ABCA4: variants seen among roughly 807,000 people sequenced by gnomAD.
ABCA4 encodes the protein retinal-specific phospholipid-transporting ATPase ABCA4.
Under a neutral mutation model 263.7 loss-of-function variants are expected in ABCA4, and 196 were observed. The observed-to-expected ratio is 0.74, with a 90% CI of 0.66 to 0.84. The LOEUF is 0.84. Among genes scored for constraint, ABCA4 ranks in the 40% least tolerant of loss-of-function variants. The probability of loss-of-function intolerance (pLI) is 0.00; values close to 1 mark genes in which losing one functional copy is unlikely to be tolerated. For synonymous variants in ABCA4, 1,133 were observed against 1,094.2 expected (o/e 1.04, Z -0.70); for missense variants, 2,792 against 2,855.1 (o/e 0.98, Z 0.50).
rs779160669 is a variant in ABCA4 at position 94,051,653 on chromosome 1, G to A, written c.2633C>T (p.Ser878Leu). The change falls in exon 17 of 50, where the codon TCG becomes TTG. Residue 878 changes from serine (S) to leucine (L), a missense_variant. Transcript: ENST00000370225. ...CTCACCTTCACCGCCAAGCCAATAC[G>A]ACTCTTGTAGAAGAAAGTACCAAGG... is the stretch of plus-strand genomic sequence containing the variant. Reference protein sequence around the residue: ...PLPWYFLLQESYWLGGEGCST... With the variant: ...PLPWYFLLQELYWLGGEGCST... 2.5e-6 allele frequency: 4 copies of A among 1,613,938 alleles called. No individual in the cohort carries two copies. The highest frequency in any genetic ancestry group is 2.2e-5 in the East Asian group (1 of 44,890).
At position 93,992,942 on chromosome 1, in the gene ABCA4, A is replaced by G. The variant is rs1658908468; in HGVS notation, c.*295T>C. 2 of 494,426 alleles carry G rather than the reference A, an allele frequency of 4.0e-6. No homozygotes were observed. Among genetic ancestry groups the G allele is most frequent in the South Asian group, 4.6e-5 (2 of 43,184 alleles). The allele number at this position is 494,426 out of a possible 1,614,324, so 30.6% of individuals were successfully genotyped here. On this transcript the variant is annotated 3_prime_UTR_variant, in exon 50 of 50. Coordinates refer to ENST00000370225, the MANE Select transcript of ABCA4 (RefSeq NM_000350.3). The stretch of plus-strand genomic sequence containing the variant: ...CAGATCTGCTTGAAATGAGAGCAAT[A>G]TGGAGGCCAAAGCTGCTAGTGGGAT...
At chr1:94,036,216 G>A (rs928405911) in intron 26 of ABCA4, among the ~76,000 whole-genome samples, 7 of 151,324 alleles carry the variant, frequency 4.6e-5, no homozygotes, top group South Asian at 2.1e-4. Flanking sequence ...CCTGACCTCC[G>A]TAAGAATCCT....
chr1:94,025,188 C>T (rs1660005205), intron 30 of ABCA4, 140 bp from the exon 31 acceptor site: 1 of 745,296 alleles, frequency 1.3e-6, no homozygotes, highest in Admixed American at 2.0e-5. Context: ...TGGCATCTCC[C>T]TAGTTCTCAC....
Position 94,029,486 on chromosome 1 carries a change from G to T in ABCA4, c.4498C>A (p.Pro1500Thr). The change falls in exon 30 of 50, where the codon CCA (proline) becomes ACA (threonine). Residue 1500 changes from proline (P) to threonine (T), a missense_variant. Pro to Thr is a conservative substitution (Grantham distance 38). Transcript: ENST00000370225. Reference sequence around the variant, plus strand: ...CCCCCGGCACCCTCGGGGCACTCTGGCAGCATGGTGAGCTTCTCCCTGGTG... The same window carrying T: ...CCCCCGGCACCCTCGGGGCACTCTGTCAGCATGGTGAGCTTCTCCCTGGTG... The part of the protein sequence containing the change: ...CSTREKLTML[P>T]ECPEGAGGLP... The T allele has an allele frequency of 6.3e-7, 1 of 1,584,978 alleles. No individual in the cohort carries two copies. The highest frequency in any genetic ancestry group is 2.3e-5 in the East Asian group (1 of 44,018).
intron 6 of ABCA4, among the ~76,000 whole-genome samples, chr1:94,085,249 G>T (rs115685474): frequency 6.6e-6 from 1 of 152,282 alleles, no homozygotes; most frequent in South Asian, 2.1e-4. Context: ...AGGAAAAAAA[G>T]GTGGAGAACA....
rs1047379 is a variant in ABCA4, at chr1:94,031,065, G to A, written c.4184C>T (p.Pro1395Leu). ...CAAAGCGGGGTATTCGCCAAAAGGA[G>A]GGATAACAATAGAAAGCATCAGAGC... ...FLALMLSIVIPPFGEYPALTL... is the reference protein window; with the variant it reads ...FLALMLSIVILPFGEYPALTL... The change falls in exon 28 of 50, where the codon CCT (proline) becomes CTT (leucine). Residue 1395 changes from proline (P) to leucine (L), a missense_variant. Physicochemically the swap from Pro to Leu is moderately conservative, Grantham distance 98. Coordinates refer to ENST00000370225, the MANE Select transcript of ABCA4 (RefSeq NM_000350.3). The A allele has an allele frequency of 1.9e-6, 3 of 1,614,150 alleles. No individual in the cohort carries two copies. Among genetic ancestry groups the A allele is most frequent in the Non-Finnish European group, 1.7e-6 (2 of 1,180,020 alleles).
intron 44 of ABCA4, among the ~76,000 whole-genome samples, chr1:94,004,265 C>T (rs55691342): frequency 0.05 from 7,567 of 152,262 alleles, 205 homozygotes; most frequent in East Asian, 0.09. Context: ...CCCAGTGCTA[C>T]CTCCGGTTCC....
chr1:94,003,804 G>A (rs1182888062), intron 44 of ABCA4, among the ~76,000 whole-genome samples: 1 of 151,860 alleles, frequency 6.6e-6, no homozygotes, highest in Non-Finnish European at 1.5e-5. Context: ...CAGCTAATTT[G>A]TTTGCTAATT....
At chr1:94,027,827 T>C (rs952672427) in intron 30 of ABCA4, among the ~76,000 whole-genome samples, 1 of 152,180 alleles carries the variant, frequency 6.6e-6, no homozygotes, top group African/African-American at 2.4e-5. Flanking sequence ...CTGCCCTCTG[T>C]TTTGCTTCAT....
chr1:94,017,079 A>C (rs1009095526), intron 36 of ABCA4, among the ~76,000 whole-genome samples: 2 of 152,218 alleles, frequency 1.3e-5, no homozygotes, highest in African/African-American at 2.4e-5. Context: ...TAGTCCATTG[A>C]TTAACACATG....
At position 94,098,898 on chromosome 1, in the gene ABCA4, C is replaced by T. The variant is rs1662211927; in HGVS notation, c.664G>A (p.Ala222Thr). The change falls in exon 6 of 50, where the codon GCA (alanine) becomes ACA (threonine). Residue 222 changes from alanine to threonine, a missense_variant. Coordinates refer to ENST00000370225, the MANE Select transcript of ABCA4 (RefSeq NM_000350.3). The stretch of plus-strand genomic sequence containing the variant: ...CACAGGGCATAGCGCACCGTCTTTG[C>T]CCCGCGTCTCTGGCTGAAGATGATG... ...RFIIFSQRRG[A>T]KTVRYALCSL... 1 of 1,614,028 alleles carries T rather than the reference C, an allele frequency of 6.2e-7. No individual in the cohort carries two copies. The highest frequency in any genetic ancestry group is 8.5e-7 in the Non-Finnish European group (1 of 1,180,034).
chr1:94,057,494 G>A lies in ABCA4; in HGVS notation c.2161-672C>T, dbSNP rs559050296. On this transcript the variant is annotated intron_variant, in intron 14 of 49. Coordinates refer to ENST00000370225, the MANE Select transcript of ABCA4 (RefSeq NM_000350.3). ...GGAGATGGGAGGGAACTCCAGAGGA[G>A]CTTCAACATTTTGCCTGGGGCCTGG... Among the ~76,000 whole-genome samples the A allele has an allele frequency of 2.0e-5, 3 of 152,280 alleles. No individual in the cohort carries two copies. The East Asian group carries it at 5.8e-4, about 29-fold the overall frequency.
At chr1:94,058,046 G>A (rs944983219) in intron 14 of ABCA4, among the ~76,000 whole-genome samples, 1 of 152,218 alleles carries the variant, frequency 6.6e-6, no homozygotes, top group African/African-American at 2.4e-5. Context: ...TGAGTGGAAC[G>A]AATGTGCCAT....
chr1:94,024,713 G>T lies in ABCA4; in HGVS notation c.4634+241C>A, dbSNP rs567441577. ...AATACGTGGGTTAAAATTTAAGACT[G>T]CTTGCCCTAAATGTAAAAACAAACA... On this transcript the variant is annotated intron_variant, in intron 31 of 49. Coordinates refer to ENST00000370225, the MANE Select transcript of ABCA4 (RefSeq NM_000350.3). Among the ~76,000 whole-genome samples, 3 of 152,186 alleles carry T rather than the reference G, an allele frequency of 2.0e-5. No homozygotes were observed. The South Asian group carries it at 6.2e-4, about 32-fold the overall frequency.
rs1800548 is a variant in ABCA4 at position 94,077,833 on chromosome 1, C to T, written c.1411G>A (p.Glu471Lys). Residue 471 changes from glutamate (E) to lysine (K), a missense_variant, in exon 11 of 50, where the codon GAA becomes AAA. Glu to Lys is a moderately conservative substitution (Grantham distance 56, BLOSUM62 1). Coordinates refer to ENST00000370225, the MANE Select transcript of ABCA4 (RefSeq NM_000350.3). ...KDFLNRQLGEEGITAEAILNF... is the reference protein window; with the variant it reads ...KDFLNRQLGEKGITAEAILNF... The stretch of plus-strand genomic sequence containing the variant: ...AGGATGGCTTCAGCAGTAATACCTT[C>T]TTCACCAAGCTGCCTATTCAAAAAG... The T allele has an allele frequency of 7.3e-4, 1,171 of 1,614,108 alleles. 3 individuals carry two copies. Among genetic ancestry groups the T allele is most frequent in the South Asian group, 8.5e-4 (77 of 91,086 alleles).
Position 94,046,901 on chromosome 1 carries a change from C to T in ABCA4, c.2918+18G>A. ...GACAGGCTAGCATGGCAGCCAGCTT[C>T]TCTGCTGGAAGACTCACAAGGTGGT... is the stretch of plus-strand genomic sequence containing the variant. On this transcript the variant is annotated intron_variant, in intron 19 of 49. Transcript: ENST00000370225. 6.2e-7 allele frequency: 1 copy of T among 1,613,214 alleles called. No homozygotes were observed. Among genetic ancestry groups the T allele is most frequent in the Non-Finnish European group, 8.5e-7 (1 of 1,179,382 alleles).
intron 45 of ABCA4, chr1:94,001,508 C>T (rs1387175137): frequency 5.4e-6 from 3 of 551,504 alleles, no homozygotes; most frequent in African/African-American, 3.7e-5. Context: ...TGGCCTGGCT[C>T]AGCTCAGGAG....
chr1:94,054,634 C>T (rs149680520), intron 16 of ABCA4, among the ~76,000 whole-genome samples: 85 of 152,130 alleles, frequency 5.6e-4, no homozygotes, highest in African/African-American at 1.9e-3. Flanking sequence ...AGGAGGCCGA[C>T]GTGGCTGGAG....
rs2275031 is a variant in ABCA4 at position 94,008,340 on chromosome 1, G to T, written c.5836-43C>A. 0.18 allele frequency: 279,963 copies of T among 1,583,010 alleles called. 25,537 individuals carry two copies. Among genetic ancestry groups the T allele is most frequent in the African/African-American group, 0.24 (17,731 of 74,204 alleles). ...ACCGGACTGAGAACTGAGACAGGGT[G>T]AGAGCAAGGAGGGGAAGAGGGAACA... is the stretch of plus-strand genomic sequence containing the variant. On this transcript the variant is annotated intron_variant, in intron 41 of 49. Coordinates refer to ENST00000370225, the MANE Select transcript of ABCA4 (RefSeq NM_000350.3).
Sources: allele counts gnomAD v4.1 joint callset (sites outside exome capture counted in the v4.1 genomes callset), GRCh38; gene constraint gnomAD v4.1.1; transcripts MANE v1.5; gene names NCBI Gene and HGNC (gene_info 2026-07-23, HGNC 2026-07-21).